Variants in SLIT3 observed in about 807,000 individuals in gnomAD.
SLIT3 encodes slit guidance ligand 3.
SLIT3 carries 68 observed loss-of-function variants against 184.0 expected under a neutral mutation model. The ratio of observed to expected loss-of-function variants is 0.37; its 90% CI spans 0.30 to 0.45. The LOEUF (loss-of-function observed/expected upper bound fraction) is 0.45. Ranked by LOEUF, SLIT3 falls within the 20% of genes least tolerant of loss-of-function variation. SLIT3 has a pLI of 1.00. For missense variants in SLIT3, 1,707 were observed against 2,026.0 expected (o/e 0.84, Z 3.02); for synonymous variants, 831 against 828.6 (o/e 1.00, Z -0.05).
chr5:169,103,700 G>A (rs1330566357), intron 4 of SLIT3, among the ~76,000 whole-genome samples: 1 of 152,220 alleles, frequency 6.6e-6, no homozygotes, highest in African/African-American at 2.4e-5. Flanking sequence ...CTGCAACACA[G>A]GAACTTTCTG....
intron 3 of SLIT3, among the ~76,000 whole-genome samples, chr5:169,207,637 C>G (rs1163830862): frequency 6.6e-6 from 1 of 152,180 alleles, no homozygotes; most frequent in Non-Finnish European, 1.5e-5. Flanking sequence ...GGCTAAATGA[C>G]CTGAATTATC....
chr5:169,195,952 C>T (rs774558970), intron 3 of SLIT3, among the ~76,000 whole-genome samples: 3 of 152,124 alleles, frequency 2.0e-5, no homozygotes, highest in Non-Finnish European at 2.9e-5. Flanking sequence ...AGTTCAGTAG[C>T]GTTGAGTATA....
intron 4 of SLIT3, among the ~76,000 whole-genome samples, chr5:169,117,221 T>C (rs35506927): frequency 0.011 from 1,632 of 152,244 alleles, 9 homozygotes; most frequent in Non-Finnish European, 0.016. Context: ...AACACCACTT[T>C]ACAAACTGCC....
chr5:169,293,400 G>A (rs572588901), intron 1 of SLIT3, among the ~76,000 whole-genome samples: 4 of 152,020 alleles, frequency 2.6e-5, no homozygotes, highest in African/African-American at 7.2e-5. Context: ...ACCAACCTTC[G>A]TGTGGTTGGA....
At chr5:169,237,644 C>A (rs940855133) in intron 3 of SLIT3, among the ~76,000 whole-genome samples, 2 of 152,120 alleles carry the variant, frequency 1.3e-5, no homozygotes, top group South Asian at 2.1e-4. Flanking sequence ...ATTTGCATCA[C>A]CCTAATGAAA....
intron 4 of SLIT3, among the ~76,000 whole-genome samples, chr5:168,893,294 G>A (rs1760537126): frequency 6.6e-6 from 1 of 152,212 alleles, no homozygotes; most frequent in African/African-American, 2.4e-5. Context: ...TGTCTGCCCA[G>A]TGGGGTTTGG....
At chr5:168,720,773 C>T (rs531082474) in intron 23 of SLIT3, 1 of 152,142 alleles carries the variant, frequency 6.6e-6, no homozygotes, top group African/African-American at 2.4e-5. Flanking sequence ...TTCTTTGCCC[C>T]CAGAGAATTG....
At position 168,903,675 on chromosome 5, in the gene SLIT3, C is replaced by T. The variant is rs1476733406; in HGVS notation, c.414-20339G>A. Among the ~76,000 whole-genome samples the T allele has an allele frequency of 7.2e-5, 11 of 152,250 alleles. No individual in the cohort carries two copies. The East Asian group carries it at 2.1e-3, about 29-fold the overall frequency. ...CTGGAACACAAAGGCCTGTCTCTGG[C>T]CCTCCTGGAGGGCCTTGCCCATCTT... is the stretch of plus-strand genomic sequence containing the variant. On this transcript the variant is annotated intron_variant, in intron 4 of 35. Coordinates refer to ENST00000519560, the MANE Select transcript of SLIT3 (RefSeq NM_003062.4).
At chr5:168,806,618 T>G in intron 8 of SLIT3, 31 bp from the exon 9 acceptor site, 1 of 1,612,818 alleles carries the variant, frequency 6.2e-7, no homozygotes, top group Non-Finnish European at 8.5e-7. Flanking sequence ...GGTCAACTTA[T>G]GTCAGTGTCA....
intron 8 of SLIT3, among the ~76,000 whole-genome samples, chr5:168,815,637 G>A (rs1757314525): frequency 6.6e-6 from 1 of 152,204 alleles, no homozygotes; most frequent in Admixed American, 6.5e-5. Context: ...TTGAGGTACT[G>A]CTTGAGACAT....
At chr5:168,717,900 TC>T (rs1366256683) in intron 23 of SLIT3, among the ~76,000 whole-genome samples, 5 of 152,102 alleles carry the variant, frequency 3.3e-5, no homozygotes, top group Non-Finnish European at 7.4e-5. Context: ...GACCTCATGA[TC>T]CACCCGCCTC....
At chr5:168,819,853 T>C (rs1757465393) in intron 7 of SLIT3, among the ~76,000 whole-genome samples, 1 of 152,128 alleles carries the variant, frequency 6.6e-6, no homozygotes, top group Non-Finnish European at 1.5e-5. Context: ...TAGAAATTTT[T>C]CTCCTCCCAA....
chr5:169,223,489 C>T (rs538123450), intron 3 of SLIT3, among the ~76,000 whole-genome samples: 11 of 152,282 alleles, frequency 7.2e-5, no homozygotes, highest in Admixed American at 1.3e-4. Context: ...GTGATAGAGA[C>T]GTGCAGTTAG....
At chr5:169,045,641 T>G (rs1270441626) in intron 4 of SLIT3, among the ~76,000 whole-genome samples, 5 of 152,126 alleles carry the variant, frequency 3.3e-5, no homozygotes, top group Non-Finnish European at 7.4e-5. Flanking sequence ...TTTACATCAT[T>G]ATCACATTTT....
At chr5:169,167,184 A>AAAAACAAAAC (rs766266973) in intron 4 of SLIT3, among the ~76,000 whole-genome samples, 1 of 149,902 alleles carries the variant, frequency 6.7e-6, no homozygotes, top group African/African-American at 2.5e-5. Flanking sequence ...AAACAAAAAC[A>AAAAACAAAAC]AAAACAAAAC....
At chr5:168,682,516 G>A (rs1761622313) in intron 32 of SLIT3, among the ~76,000 whole-genome samples, 1 of 152,150 alleles carries the variant, frequency 6.6e-6, no homozygotes, top group African/African-American at 2.4e-5. Context: ...ATGTCTGTAG[G>A]TGATGCTGGT....
At chr5:169,154,116 G>A (rs925768091) in intron 4 of SLIT3, among the ~76,000 whole-genome samples, 11 of 151,936 alleles carry the variant, frequency 7.2e-5, no homozygotes, top group African/African-American at 2.7e-4. Flanking sequence ...GGGACTACAG[G>A]CACCCACCAC....
At chr5:168,873,626 T>C (rs1759619989) in intron 5 of SLIT3, among the ~76,000 whole-genome samples, 1 of 152,054 alleles carries the variant, frequency 6.6e-6, no homozygotes, top group Non-Finnish European at 1.5e-5. Context: ...AGACTTACTT[T>C]CTCTCTCTCT....
chr5:169,101,670 T>C (rs1391433938), intron 4 of SLIT3, among the ~76,000 whole-genome samples: 1 of 152,178 alleles, frequency 6.6e-6, no homozygotes, highest in Non-Finnish European at 1.5e-5. Context: ...TTGAATCAGT[T>C]TCAAGAAAAA....
Sources: allele counts gnomAD v4.1 joint callset (sites outside exome capture counted in the v4.1 genomes callset), GRCh38; gene constraint gnomAD v4.1.1; transcripts MANE v1.5; gene names NCBI Gene and HGNC (gene_info 2026-07-23, HGNC 2026-07-21).